The following ALDH3A2 variants were observed in gnomAD, a reference collection of about 807,000 sequenced individuals.
ALDH3A2 encodes aldehyde dehydrogenase 3 family member A2.
In ALDH3A2, 36 loss-of-function variants were observed where a neutral mutation model predicts 51.3. The ratio of observed to expected loss-of-function variants is 0.70; its 90% confidence interval spans 0.54 to 0.93. The LOEUF (loss-of-function observed/expected upper bound fraction) is 0.93. Ranked by LOEUF, ALDH3A2 falls within the 40% of genes least tolerant of loss-of-function variation. ALDH3A2 has a pLI of 0.00. For synonymous variants in ALDH3A2, 199 were observed against 219.8 expected, an observed-to-expected ratio of 0.91 and a Z score of 0.84; for missense variants, 552 against 603.1, an observed-to-expected ratio of 0.92 and a Z score of 0.89.
chr17:19,654,748 C>A lies in ALDH3A2; in HGVS notation c.472-1618C>A, dbSNP rs1021238788. On this transcript the variant is annotated intron_variant, in intron 3 of 9. Transcript: ENST00000176643. This position sits in a 1 kb window ranked among gnomAD's most constrained non-coding sequence, Gnocchi z 4.5. The stretch of plus-strand genomic sequence containing the variant: ...GGAGCCGGCTCCAGCCTTGGCCAGC[C>A]CAGAGAGGGGCTCCCACAGTGCAGC... Among the ~76,000 whole-genome samples, 9 of 152,074 alleles carry A rather than the reference C, an allele frequency of 5.9e-5. No individual in the cohort carries two copies. Among genetic ancestry groups the A allele is most frequent in the African/African-American group, 2.2e-4 (9 of 41,426 alleles).
rs144496536 is a variant in ALDH3A2, at chr17:19,665,028, T to C, written c.1188T>C (p.Ser396=). The part of the protein sequence containing the change: ...NDVIMHFTLN[S]FPFGGVGSSG... ...TCATTATGCACTTCACGCTCAACTC[T>C]TTCCCATTTGGAGGAGTGGGTGAGT... Residue 396 remains serine (S), a synonymous_variant, in exon 8 of 10, where the codon TCT becomes TCC. Coordinates refer to ENST00000176643, the MANE Select transcript of ALDH3A2 (RefSeq NM_000382.3). 1 of 1,613,958 alleles carries C rather than the reference T, an allele frequency of 6.2e-7. No homozygotes were observed.
intron 4 of ALDH3A2, among the ~76,000 whole-genome samples, chr17:19,657,410 T>C (rs2084911416): frequency 6.6e-6 from 1 of 152,188 alleles, no homozygotes; most frequent in Non-Finnish European, 1.5e-5. Context: ...TCCAGGACTT[T>C]CCTTTGGCTG....
intron 9 of ALDH3A2, among the ~76,000 whole-genome samples, chr17:19,673,516 G>A (rs1302108256): frequency 1.3e-5 from 2 of 151,922 alleles, no homozygotes; most frequent in Non-Finnish European, 2.9e-5. Context: ...TCCGGAGTTC[G>A]AGAACAGCCT....
chr17:19,667,952 G>A (rs1240661936), intron 8 of ALDH3A2, among the ~76,000 whole-genome samples: 1 of 152,142 alleles, frequency 6.6e-6, no homozygotes, highest in East Asian at 1.9e-4. Flanking sequence ...CCCATGATCA[G>A]TATATGAGTG....
At chr17:19,655,930 T>C (rs960003125) in intron 3 of ALDH3A2, among the ~76,000 whole-genome samples, 1 of 152,236 alleles carries the variant, frequency 6.6e-6, no homozygotes, top group African/African-American at 2.4e-5. Context: ...GTGCCGGATA[T>C]ACCATTCATT....
chr17:19,656,001 A>G, intron 3 of ALDH3A2: 1 of 344,056 alleles, frequency 2.9e-6, no homozygotes, highest in Non-Finnish European at 5.6e-6. Flanking sequence ...AGACTAAGAC[A>G]TGCATGACCT....
Position 19,654,729 on chromosome 17 carries a change from G to C in ALDH3A2, c.472-1637G>C, listed in dbSNP as rs575803557. Among the ~76,000 whole-genome samples the C allele has an allele frequency of 2.6e-5, 4 of 152,098 alleles. No individual in the cohort carries two copies. In the East Asian group the frequency reaches 7.8e-4, roughly 30 times the overall value. On this transcript the variant is annotated intron_variant, in intron 3 of 9. Coordinates refer to ENST00000176643, the MANE Select transcript of ALDH3A2 (RefSeq NM_000382.3). This position sits in a 1 kb window ranked among gnomAD's most constrained non-coding sequence, Gnocchi z 4.5. ...CACCTTCCCACAAGCAGAAGGAGCCGGCTCCAGCCTTGGCCAGCCCAGAGA... is the reference window on the plus strand; with the variant it reads ...CACCTTCCCACAAGCAGAAGGAGCCCGCTCCAGCCTTGGCCAGCCCAGAGA...
In ALDH3A2 at chr17:19,657,806, C is replaced by G; in HGVS notation, c.742C>G (p.Leu248Val). The change falls in exon 5 of 10, where the codon CTC (leucine) becomes GTC (valine). Residue 248 changes from leucine (L) to valine (V), a missense_variant. Transcript: ENST00000176643. ...AACCTGCATTGCACCCGACTATATT[C>G]TCTGTGAAGCATCCCTCCAAAATCA... ...GQTCIAPDYILCEASLQNQIV... is the reference protein window; with the variant it reads ...GQTCIAPDYIVCEASLQNQIV... 2.5e-6 allele frequency: 4 copies of G among 1,614,072 alleles called. No individual in the cohort carries two copies. The highest frequency in any genetic ancestry group is 3.4e-6 in the Non-Finnish European group (4 of 1,179,934).
Position 19,664,912 on chromosome 17 carries a change from A to G in ALDH3A2, c.1108-36A>G, listed in dbSNP as rs117240123. On this transcript the variant is annotated intron_variant, in intron 7 of 9. Transcript: ENST00000176643. ...GGCCATGAGTGTTCCCTAAGGGGCA[A>G]CTTCACTGACCTGGACACCTTTGGT... 1.8e-3 allele frequency: 2,748 copies of G among 1,535,018 alleles called. 58 individuals carry two copies. In the East Asian group the frequency reaches 0.044, roughly 24 times the overall value.
At chr17:19,661,827 C>T (rs2084969928) in intron 6 of ALDH3A2, among the ~76,000 whole-genome samples, 1 of 150,704 alleles carries the variant, frequency 6.6e-6, no homozygotes, top group African/African-American at 2.4e-5. Context: ...CCTAGCTTTA[C>T]TTATCCCCTT....
intron 8 of ALDH3A2, among the ~76,000 whole-genome samples, chr17:19,666,987 C>T (rs940864317): frequency 6.6e-6 from 1 of 151,768 alleles, no homozygotes; most frequent in African/African-American, 2.4e-5. Context: ...AAAAACAAGC[C>T]TTGACCCCCA....
chr17:19,661,108 C>G lies in ALDH3A2; in HGVS notation c.799-19C>G. 1 of 1,602,692 alleles carries G rather than the reference C, an allele frequency of 6.2e-7. No homozygotes were observed. Among genetic ancestry groups the G allele is most frequent in the Middle Eastern group, 1.7e-4 (1 of 6,012 alleles). ...TGTGGGTCTTTGTGACATTTATATA[C>G]TCCTGTTGTTTTAAATAGGAATTTT... On this transcript the variant is annotated intron_variant, in intron 5 of 9. Transcript: ENST00000176643.
Position 19,675,564 on chromosome 17 carries a change from T to A in ALDH3A2, c.1450T>A (p.Tyr484Asn), listed in dbSNP as rs568610532. The A allele has an allele frequency of 6.2e-7, 1 of 1,613,850 alleles. No individual in the cohort carries two copies. Among genetic ancestry groups the A allele is most frequent in the Non-Finnish European group, 8.5e-7 (1 of 1,179,732 alleles). ...CCTTTTTTCCTCTCTCCAGGCAGAA[T>A]ATTACTGAAGAATGATCCTGTTCAA... ...IVAAVLVKAE[Y>N]Y The change falls in exon 10 of 10, where the codon TAT (tyrosine) becomes AAT (asparagine). Residue 484 changes from tyrosine (Y) to asparagine (N), a missense_variant. Tyr to Asn is a moderately radical substitution (Grantham distance 143, BLOSUM62 -2). Transcript: ENST00000176643.
In ALDH3A2 at chr17:19,676,688, A is replaced by G. The variant is rs1227335011; in HGVS notation, c.*1116A>G. On this transcript the variant is annotated 3_prime_UTR_variant, in exon 10 of 10. Transcript: ENST00000176643. ...AAAAAATACTGTAATAAAAGTACTT[A>G]TAAACATACTAATCCTCTTTCAGGA... 1 of 152,206 alleles carries G rather than the reference A, an allele frequency of 6.6e-6. No homozygotes were observed. The highest frequency in any genetic ancestry group is 6.5e-5 in the Admixed American group (1 of 15,284). The allele number at this position is 152,206 out of a possible 1,614,324, so 9.4% of individuals were successfully genotyped here.
chr17:19,666,013 T>C (rs945736707), intron 8 of ALDH3A2, among the ~76,000 whole-genome samples: 42 of 152,110 alleles, frequency 2.8e-4, no homozygotes, highest in African/African-American at 9.2e-4. Context: ...GAGGTAAACA[T>C]ATTGCCAGCA....
At chr17:19,651,813 G>A in intron 2 of ALDH3A2, 35 bp downstream of exon 2, 4 of 1,563,788 alleles carry the variant, frequency 2.6e-6, no homozygotes, top group Non-Finnish European at 3.5e-6. Context: ...TACCTTTTTA[G>A]GGAGGCTTAT....
At chr17:19,660,050 A>C (rs903404883) in intron 5 of ALDH3A2, among the ~76,000 whole-genome samples, 5 of 151,936 alleles carry the variant, frequency 3.3e-5, no homozygotes, top group African/African-American at 9.7e-5. Flanking sequence ...GGGAAGAGAG[A>C]GTGGTTAAAG....
chr17:19,663,618 T>A (rs1415974144), intron 7 of ALDH3A2, 119 bp downstream of exon 7: 1 of 1,213,782 alleles, frequency 8.2e-7, no homozygotes, highest in African/African-American at 1.5e-5. Flanking sequence ...TTGTGTCATG[T>A]CAGAGTCCAT....
At position 19,651,628 on chromosome 17, in the gene ALDH3A2, G is replaced by T. The variant is rs1315659136; in HGVS notation, c.235G>T (p.Val79Phe). 6.2e-7 allele frequency: 1 copy of T among 1,614,200 alleles called. No homozygotes were observed. Among genetic ancestry groups the T allele is most frequent in the East Asian group, 2.2e-5 (1 of 44,880 alleles). Reference sequence around the variant, plus strand: ...TATGCTTGAGAATCTTCCTGAATGGGTTACTGCTAAACCAGTTAAGAAGAA... The same window carrying T: ...TATGCTTGAGAATCTTCCTGAATGGTTTACTGCTAAACCAGTTAAGAAGAA... ...DFMLENLPEW[V>F]TAKPVKKNVL... The change falls in exon 2 of 10, where the codon GTT becomes TTT. Residue 79 changes from valine (V) to phenylalanine (F), a missense_variant. By Grantham distance (50) the Val-to-Phe change is conservative. Transcript: ENST00000176643.
Sources: gnomAD v4.1 joint callset for allele counts (sites outside exome capture counted in the v4.1 genomes callset) on GRCh38, gnomAD v4.1.1 for gene constraint, Gnocchi (gnomAD v3.1) non-coding constraint, MANE v1.5 for transcripts, NCBI Gene and HGNC (gene_info 2026-07-23, HGNC 2026-07-21) for gene names.